The following STRBP variants were observed in gnomAD, a reference collection of about 807,000 sequenced individuals.
STRBP encodes the protein spermatid perinuclear RNA binding protein.
A neutral mutation model predicts 80.1 loss-of-function variants in STRBP; 13 were observed. The observed-to-expected ratio is 0.16, with a 90% CI of 0.11 to 0.26. STRBP has a LOEUF of 0.26. Among genes scored for constraint, STRBP ranks in the 10% least tolerant of loss-of-function variants. The pLI is 1.00. For synonymous variants in STRBP, 284 were observed against 291.2 expected (o/e 0.98, Z 0.25); for missense variants, 485 against 815.2 (o/e 0.59, Z 4.93).
chr9:123,150,205 A>G (rs2036993590), intron 11 of STRBP, among the ~76,000 whole-genome samples: 1 of 152,148 alleles, frequency 6.6e-6, no homozygotes, highest in African/African-American at 2.4e-5. Flanking sequence ...ACAAACAAGG[A>G]GAGGGTGCTA....
intron 1 of STRBP, among the ~76,000 whole-genome samples, chr9:123,239,108 G>C (rs895907619): frequency 6.6e-6 from 1 of 152,276 alleles, no homozygotes; most frequent in East Asian, 1.9e-4. Flanking sequence ...GGGCGCGGTA[G>C]CTCACGCCTG....
intron 1 of STRBP, among the ~76,000 whole-genome samples, chr9:123,256,934 C>G (rs1434472693): frequency 1.4e-5 from 2 of 144,886 alleles, no homozygotes; most frequent in African/African-American, 2.6e-5. Context: ...TATAATGAAA[C>G]AACATCGAAT....
intron 2 of STRBP, among the ~76,000 whole-genome samples, chr9:123,217,805 T>C (rs900977315): frequency 6.6e-6 from 1 of 152,250 alleles, no homozygotes; most frequent in Non-Finnish European, 1.5e-5. Context: ...CATTCAGTAT[T>C]GCAAATCCAC....
intron 2 of STRBP, among the ~76,000 whole-genome samples, chr9:123,222,673 C>T (rs904201598): frequency 2.6e-5 from 4 of 152,120 alleles, no homozygotes; most frequent in East Asian, 3.9e-4. Flanking sequence ...CATACTCTTC[C>T]GAAGGTCACA....
intron 11 of STRBP, among the ~76,000 whole-genome samples, chr9:123,156,850 A>G (rs1342116137): frequency 2.0e-5 from 3 of 152,120 alleles, no homozygotes; most frequent in Non-Finnish European, 4.4e-5. Context: ...TGTTAGAGGT[A>G]GGCTGCATTC....
At chr9:123,191,977 G>C (rs989098483) in intron 2 of STRBP, among the ~76,000 whole-genome samples, 1 of 152,212 alleles carries the variant, frequency 6.6e-6, no homozygotes, top group Non-Finnish European at 1.5e-5. Context: ...ATCATATTCT[G>C]GATATATTTT....
chr9:123,152,674 T>C (rs1029924773), intron 11 of STRBP, among the ~76,000 whole-genome samples: 1 of 151,998 alleles, frequency 6.6e-6, no homozygotes, highest in Non-Finnish European at 1.5e-5. Context: ...TCACTGAAAT[T>C]ATAAAATTAT....
At chr9:123,189,634 G>A (rs2038846922) in intron 2 of STRBP, among the ~76,000 whole-genome samples, 1 of 151,926 alleles carries the variant, frequency 6.6e-6, no homozygotes, top group African/African-American at 2.4e-5. Flanking sequence ...ACTCATAGGT[G>A]GGAATTGAAC....
Position 123,136,105 on chromosome 9 carries a change from GC to G in STRBP, c.1708del (p.Ala570ProfsTer27). 6.2e-7 allele frequency: 1 copy of G among 1,614,102 alleles called. No homozygotes were observed. Among genetic ancestry groups the G allele is most frequent in the Non-Finnish European group, 8.5e-7 (1 of 1,180,004 alleles). On this transcript the variant is annotated frameshift_variant, in exon 16 of 19. Coordinates refer to ENST00000348403, the MANE Select transcript of STRBP (RefSeq NM_018387.5). LOFTEE classifies it high-confidence loss of function. The surrounding 1 kb of genome is among the most constrained non-coding windows in gnomAD (Gnocchi z 4.2). ...KVAKASAALA[A>X]LEKLFSGPNA... ...GGGTCCAGAAAACAGTTTCTCCAAG[GC>G]AGCTAAAGCTGCACTCGCCTTTGCC...
At chr9:123,257,012 TAA>T (rs1351424288) in intron 1 of STRBP, among the ~76,000 whole-genome samples, 1 of 151,620 alleles carries the variant, frequency 6.6e-6, no homozygotes, top group Non-Finnish European at 1.5e-5. Context: ...GTCAAACTCA[TAA>T]AGATAGTCCT....
At chr9:123,206,755 C>T (rs913494622) in intron 2 of STRBP, among the ~76,000 whole-genome samples, 1 of 152,114 alleles carries the variant, frequency 6.6e-6, no homozygotes, top group African/African-American at 2.4e-5. Flanking sequence ...TCTCCTGCCT[C>T]AGCCTCCTGA....
chr9:123,256,449 T>C (rs373487329), intron 1 of STRBP, among the ~76,000 whole-genome samples: 1 of 152,174 alleles, frequency 6.6e-6, no homozygotes, highest in Admixed American at 6.5e-5. Flanking sequence ...AAATAACATA[T>C]AATAAAACCA....
chr9:123,220,799 A>C (rs1381448170), intron 2 of STRBP, among the ~76,000 whole-genome samples: 1 of 152,194 alleles, frequency 6.6e-6, no homozygotes, highest in African/African-American at 2.4e-5. Flanking sequence ...CTTCCTTTCA[A>C]AGTAGGAAGA....
At chr9:123,234,588 G>C (rs12552172) in intron 2 of STRBP, among the ~76,000 whole-genome samples, 6 of 152,062 alleles carry the variant, frequency 3.9e-5, no homozygotes, top group Non-Finnish European at 5.9e-5. Flanking sequence ...CATCCTAGTT[G>C]GTAGTCTTAA....
intron 4 of STRBP, among the ~76,000 whole-genome samples, chr9:123,177,921 T>A (rs1270427860): frequency 6.6e-6 from 1 of 152,180 alleles, no homozygotes; most frequent in Non-Finnish European, 1.5e-5. Context: ...AATAATTAGA[T>A]AACATTACTA....
At position 123,242,244 on chromosome 9, in the gene STRBP, T is replaced by C. The variant is rs956728560; in HGVS notation, c.-301-5278A>G. On this transcript the variant is annotated intron_variant, in intron 1 of 18. Coordinates refer to ENST00000348403, the MANE Select transcript of STRBP (RefSeq NM_018387.5). ...TTGAGGTATATCGTTATTATTCATA[T>C]ACTATCTCTTCATTAGAATGTAAGG... Among the ~76,000 whole-genome samples, 11 of 152,248 alleles carry C rather than the reference T, an allele frequency of 7.2e-5. 1 individual carries two copies. The highest frequency in any genetic ancestry group is 5.9e-4 in the Admixed American group (9 of 15,292).
chr9:123,248,904 T>C (rs2040856556), intron 1 of STRBP, among the ~76,000 whole-genome samples: 1 of 152,346 alleles, frequency 6.6e-6, no homozygotes, highest in Admixed American at 6.5e-5. Context: ...CCGTTTTTCA[T>C]AATTCATATC....
intron 1 of STRBP, among the ~76,000 whole-genome samples, chr9:123,237,539 C>G (rs2040595427): frequency 6.6e-6 from 1 of 151,834 alleles, no homozygotes; most frequent in Non-Finnish European, 1.5e-5. Flanking sequence ...TTGCTTAAGA[C>G]AAAATTTCTT....
intron 14 of STRBP, among the ~76,000 whole-genome samples, chr9:123,137,783 A>G (rs2036424309): frequency 6.6e-6 from 1 of 152,220 alleles, no homozygotes; most frequent in Non-Finnish European, 1.5e-5. Context: ...TGCAGTTTGG[A>G]TAAGTGGTTG....
Sources: allele counts gnomAD v4.1 joint callset (sites outside exome capture counted in the v4.1 genomes callset), GRCh38; gene constraint gnomAD v4.1.1; non-coding constraint Gnocchi (gnomAD v3.1); transcripts MANE v1.5; gene names NCBI Gene and HGNC (gene_info 2026-07-23, HGNC 2026-07-21).